STAG3: variants seen among roughly 807,000 people sequenced by gnomAD.
STAG3 encodes the protein STAG3 cohesin complex component, also known as cohesin subunit SA-3.
STAG3 carries 101 observed loss-of-function variants against 160.7 expected under a neutral mutation model. That is an observed-to-expected ratio of 0.63 (90% confidence interval 0.54 to 0.74). The LOEUF is 0.74. Ranked by LOEUF, STAG3 falls within the 30% of genes least tolerant of loss-of-function variation. STAG3 has a pLI of 0.00. For synonymous variants in STAG3, 519 were observed against 585.0 expected, an observed-to-expected ratio of 0.89 and a Z score of 1.63; for missense variants, 1,188 against 1,517.4, an observed-to-expected ratio of 0.78 and a Z score of 3.61.
In STAG3 at chr7:100,188,801, TC is replaced by T. The variant is rs1456575613; in HGVS notation, c.511-9del. ...ATAACTTTCCCATCCTTTTCATACA[TC>T]CTTTTGTAGGACTCGGGGGACTACC... On this transcript the variant is annotated splice_polypyrimidine_tract_variant and intron_variant, in intron 6 of 33. Coordinates refer to ENST00000615138, the MANE Select transcript of STAG3 (RefSeq NM_001282717.2). 6.2e-7 allele frequency: 1 copy of T among 1,614,004 alleles called. No homozygotes were observed. Among genetic ancestry groups the T allele is most frequent in the African/African-American group, 1.3e-5 (1 of 75,042 alleles).
intron 3 of STAG3, among the ~76,000 whole-genome samples, 153 bp downstream of exon 3, chr7:100,182,345 C>A (rs141509086): frequency 1.4e-5 from 2 of 148,114 alleles, no homozygotes; most frequent in African/African-American, 2.5e-5. Context: ...GGCGACAGAG[C>A]GAGACTCCGT....
In STAG3 at chr7:100,214,264, A is replaced by G; in HGVS notation, c.*249A>G. ...CTTTTTCCTGTTCTGTTTGGAGTGG[A>G]GAAGGGCAGCACCTCTGTGTTTAAT... is the stretch of plus-strand genomic sequence containing the variant. On this transcript the variant is annotated 3_prime_UTR_variant, in exon 34 of 34. Transcript: ENST00000615138. The G allele has an allele frequency of 1.8e-6, 1 of 561,078 alleles. No homozygotes were observed. Among genetic ancestry groups the G allele is most frequent in the Non-Finnish European group, 3.2e-6 (1 of 317,090 alleles). 34.8% of individuals were successfully genotyped at this position (561,078 alleles called of 1,614,324 possible).
chr7:100,212,903 T>C (rs1236988828), intron 32 of STAG3: 3 of 152,290 alleles, frequency 2.0e-5, no homozygotes, highest in Non-Finnish European at 4.4e-5. Flanking sequence ...AATCAACAAT[T>C]CAAAAATAAA....
intron 1 of STAG3, 47 bp from the exon 2 acceptor site, chr7:100,180,446 A>C: frequency 1.4e-6 from 1 of 713,908 alleles, no homozygotes; most frequent in East Asian, 2.5e-5. Flanking sequence ...AGGGCTGGGG[A>C]TGGAGAAGTG....
intron 4 of STAG3, among the ~76,000 whole-genome samples, chr7:100,185,882 A>G (rs1799966989): frequency 6.6e-6 from 1 of 152,000 alleles, no homozygotes; most frequent in South Asian, 2.1e-4. Flanking sequence ...CTCTTGGACT[A>G]CTCGTCTTGG....
At chr7:100,209,076 CTA>C (rs1189660083) in intron 29 of STAG3, among the ~76,000 whole-genome samples, 1 of 152,044 alleles carries the variant, frequency 6.6e-6, no homozygotes, top group Non-Finnish European at 1.5e-5. Flanking sequence ...GACAAAGAAA[CTA>C]TTTGATTGGT....
intron 32 of STAG3, 21 bp downstream of exon 32, chr7:100,211,897 TTCTC>T: frequency 1.2e-6 from 2 of 1,610,950 alleles, no homozygotes; most frequent in Non-Finnish European, 1.7e-6. Flanking sequence ...CACCCTGCCC[TTCTC>T]TCTCAAGAAC....
intron 4 of STAG3, among the ~76,000 whole-genome samples, chr7:100,184,566 C>T (rs1202065291): frequency 1.4e-5 from 2 of 143,160 alleles, no homozygotes; most frequent in Non-Finnish European, 3.0e-5. Context: ...CTCCCGGGTT[C>T]ACATGATTCT....
chr7:100,208,615 G>A (rs1440094318), intron 29 of STAG3, among the ~76,000 whole-genome samples: 3 of 152,208 alleles, frequency 2.0e-5, no homozygotes, highest in Non-Finnish European at 2.9e-5. Context: ...TGTGCTGGGC[G>A]AAGCATGGAG....
chr7:100,211,510 A>AG lies in STAG3; in HGVS notation c.3491dup (p.Pro1165SerfsTer26). 6.2e-7 allele frequency: 1 copy of AG among 1,613,212 alleles called. No individual in the cohort carries two copies. Among genetic ancestry groups the AG allele is most frequent in the Non-Finnish European group, 8.5e-7 (1 of 1,179,928 alleles). On this transcript the variant is annotated frameshift_variant, in exon 31 of 34. Transcript: ENST00000615138. LOFTEE classifies it high-confidence loss of function. ...ATTTCCAGACTCCACACAACCCTTCAGGTCCTGGCCTGGGCAACCAGCTGA... is the reference window on the plus strand; with the variant it reads ...ATTTCCAGACTCCACACAACCCTTCAGGGTCCTGGCCTGGGCAACCAGCTGA...
intron 32 of STAG3, 73 bp downstream of exon 32, chr7:100,211,949 C>T (rs1802259019): frequency 1.4e-6 from 2 of 1,419,552 alleles, no homozygotes; most frequent in Admixed American, 1.9e-5. Flanking sequence ...AGGGTGTTTC[C>T]CCTCTCTCCG....
Position 100,205,139 on chromosome 7 carries a change from T to C in STAG3, c.3080+6T>C. 2 of 1,613,988 alleles carry C rather than the reference T, an allele frequency of 1.2e-6. No homozygotes were observed. The highest frequency in any genetic ancestry group is 2.2e-5 in the South Asian group (2 of 91,072). On this transcript the variant is annotated splice_donor_region_variant and intron_variant, in intron 28 of 33. Coordinates refer to ENST00000615138, the MANE Select transcript of STAG3 (RefSeq NM_001282717.2). ...CATCAGGACAAGCAGCTTTTGTAAG[T>C]TGGTGGGTGGATAGAGATGTGGATT...
intron 3 of STAG3, 38 bp from the exon 4 acceptor site, chr7:100,182,684 GT>G (rs200019153): frequency 1.2e-5 from 18 of 1,478,056 alleles, no homozygotes; most frequent in South Asian, 5.9e-5. Context: ...TACCTTTTTT[GT>G]TTTTTTTTCA....
At chr7:100,213,926 T>C in intron 33 of STAG3, 81 bp from the exon 34 acceptor site, 1 of 1,613,196 alleles carries the variant, frequency 6.2e-7, no homozygotes, top group Non-Finnish European at 8.5e-7. Context: ...TCTGGGGCTT[T>C]GAGGGTAACC....
At chr7:100,190,304 C>T (rs930034750) in intron 8 of STAG3, among the ~76,000 whole-genome samples, 3 of 152,184 alleles carry the variant, frequency 2.0e-5, no homozygotes, top group African/African-American at 7.2e-5. Flanking sequence ...GTTTTCTCCT[C>T]ACTCTCTGTT....
chr7:100,180,436 A>T, intron 1 of STAG3, 57 bp from the exon 2 acceptor site: 1 of 691,796 alleles, frequency 1.4e-6, no homozygotes, highest in East Asian at 2.5e-5. Flanking sequence ...GGGACTGGTC[A>T]GGGCTGGGGA....
Position 100,182,711 on chromosome 7 carries a change from T to C in STAG3, c.220-12T>C, listed in dbSNP as rs760865189. On this transcript the variant is annotated splice_polypyrimidine_tract_variant and intron_variant, in intron 3 of 33. Coordinates refer to ENST00000615138, the MANE Select transcript of STAG3 (RefSeq NM_001282717.2). ...TTTTTTTTCATATTTCTGATCTTTT[T>C]ATACATATTAGGTGGCAAAACATCC... 2.5e-6 allele frequency: 4 copies of C among 1,612,434 alleles called. No homozygotes were observed. Among genetic ancestry groups the C allele is most frequent in the Non-Finnish European group, 1.7e-6 (2 of 1,179,352 alleles).
At chr7:100,180,772 A>C in intron 2 of STAG3, 100 bp downstream of exon 2, 1 of 778,340 alleles carries the variant, frequency 1.3e-6, no homozygotes. Flanking sequence ...CTGTGTGAAA[A>C]CACCAGAAGT....
chr7:100,187,529 G>A (rs1239951876), intron 5 of STAG3, among the ~76,000 whole-genome samples: 2 of 152,146 alleles, frequency 1.3e-5, no homozygotes, highest in African/African-American at 4.8e-5. Flanking sequence ...ACTTTTGGGA[G>A]CCTGAGCTGG....
Sources: allele counts gnomAD v4.1 joint callset (sites outside exome capture counted in the v4.1 genomes callset), GRCh38; gene constraint gnomAD v4.1.1; transcripts MANE v1.5; gene names NCBI Gene and HGNC (gene_info 2026-07-23, HGNC 2026-07-21).